The following ZNF727 variants were observed in gnomAD, a reference collection of about 807,000 sequenced individuals.
ZNF727 encodes the protein zinc finger protein 727, also known as putative zinc finger protein 727.
Under a neutral mutation model 11.5 loss-of-function variants are expected in ZNF727, and 11 were observed. The observed-to-expected ratio is 0.95, with a 90% CI of 0.60 to 1.58. The LOEUF is 1.58. ZNF727 is among the 40% of genes most tolerant of loss of function. ZNF727 has a pLI of 0.00. For missense variants in ZNF727, 533 were observed against 581.7 expected (o/e 0.92, Z 0.86); for synonymous variants, 171 against 196.1 (o/e 0.87, Z 1.07).
chr7:64,063,164 T>C (rs1329463019), intron 1 of ZNF727, among the ~76,000 whole-genome samples: 2 of 152,118 alleles, frequency 1.3e-5, no homozygotes, highest in East Asian at 3.9e-4. Context: ...ATAGTCTTAA[T>C]TTTTGTGGAT....
chr7:64,067,705 G>A (rs1584150749), intron 1 of ZNF727, among the ~76,000 whole-genome samples: 1 of 152,144 alleles, frequency 6.6e-6, no homozygotes, highest in East Asian at 1.9e-4. Flanking sequence ...TGTGGACACA[G>A]GGAGGGGAAC....
intron 1 of ZNF727, among the ~76,000 whole-genome samples, chr7:64,053,529 C>A (rs574646421): frequency 6.6e-6 from 1 of 152,158 alleles, no homozygotes; most frequent in Non-Finnish European, 1.5e-5. Flanking sequence ...CCATGTTGGT[C>A]AGGCTGGTCT....
intron 1 of ZNF727, among the ~76,000 whole-genome samples, chr7:64,049,204 G>A (rs1789554557): frequency 6.6e-6 from 1 of 151,854 alleles, no homozygotes; most frequent in Admixed American, 6.6e-5. Context: ...TCAGTCAGCT[G>A]ACCATACAAG....
At position 64,078,593 on chromosome 7, in the gene ZNF727, A is replaced by AG; in HGVS notation, c.*45dup. The stretch of plus-strand genomic sequence containing the variant: ...CTTACAAATGTAATGAATGTGGAAA[A>AG]GCTTTTACGTGGATCTTGGCCCTTA... On this transcript the variant is annotated 3_prime_UTR_variant, in exon 4 of 4. Coordinates refer to ENST00000456806, the MANE Select transcript of ZNF727 (RefSeq NM_001159522.3). 1 of 1,544,272 alleles carries AG rather than the reference A, an allele frequency of 6.5e-7. No homozygotes were observed. The highest frequency in any genetic ancestry group is 8.8e-7 in the Non-Finnish European group (1 of 1,135,360).
At chr7:64,061,305 A>ATC (rs961077196) in intron 1 of ZNF727, among the ~76,000 whole-genome samples, 19 of 151,904 alleles carry the variant, frequency 1.3e-4, no homozygotes, top group African/African-American at 3.9e-4. Flanking sequence ...ATTGGGGTTG[A>ATC]TCTCTCTCTC....
rs1471407769 is a variant in ZNF727 at position 64,084,570 on chromosome 7, T to C, written c.*6021T>C. ...AGAATATGATTCCTACAAATTAACA[T>C]TTTTGTTTTTCTTGTAACTACAGGT... On this transcript the variant is annotated 3_prime_UTR_variant, in exon 4 of 4. Coordinates refer to ENST00000456806, the MANE Select transcript of ZNF727 (RefSeq NM_001159522.3). 6.6e-6 allele frequency among the ~76,000 whole-genome samples: 1 copy of C among 152,176 alleles called. No homozygotes were observed. The highest frequency in any genetic ancestry group is 1.5e-5 in the Non-Finnish European group (1 of 68,006).
intron 3 of ZNF727, among the ~76,000 whole-genome samples, chr7:64,073,108 T>G (rs948869952): frequency 6.6e-6 from 1 of 152,040 alleles, no homozygotes; most frequent in African/African-American, 2.4e-5. Flanking sequence ...TCTCCCAGAT[T>G]AAGTATCCTT....
In ZNF727 at chr7:64,069,536, C is replaced by T. The variant is rs1789925876; in HGVS notation, c.153C>T (p.Asp51=). The T allele has an allele frequency of 1.3e-6, 2 of 1,558,868 alleles. No individual in the cohort carries two copies. The highest frequency in any genetic ancestry group is 1.4e-5 in the African/African-American group (1 of 73,236). The change falls in exon 3 of 4, where the codon GAC becomes GAT. Residue 51 remains aspartate (D), a synonymous_variant. Transcript: ENST00000456806. ...FSLGLAIFKP[D]LITYLEQRKE... ...CAGGTCTTGCTATCTTTAAGCCAGA[C>T]TTGATTACCTATCTGGAGCAAAGAA...
chr7:64,072,537 G>A (rs1789978224), intron 3 of ZNF727, among the ~76,000 whole-genome samples: 1 of 152,066 alleles, frequency 6.6e-6, no homozygotes, highest in Admixed American at 6.6e-5. Flanking sequence ...GACTATCGGT[G>A]CTGAAACTGA....
intron 1 of ZNF727, among the ~76,000 whole-genome samples, chr7:64,062,547 T>A (rs2116296512): frequency 6.6e-6 from 1 of 151,884 alleles, no homozygotes; most frequent in Non-Finnish European, 1.5e-5. Context: ...TATTGGTGCT[T>A]GTTTGAATGT....
Position 64,080,880 on chromosome 7 carries a change from TTTTTTGTTTTTG to T in ZNF727, c.*2337_*2348del, listed in dbSNP as rs761586071. On this transcript the variant is annotated 3_prime_UTR_variant, in exon 4 of 4. Coordinates refer to ENST00000456806, the MANE Select transcript of ZNF727 (RefSeq NM_001159522.3). ...GTTCCTGGGAGTTTTTTGTTTTTTG[TTTTTTGTTTTTG>T]TTTTTTTTTTTGTGGTGGTGGAGGG... Among the ~76,000 whole-genome samples the T allele has an allele frequency of 2.7e-5, 4 of 146,752 alleles. No homozygotes were observed. Among genetic ancestry groups the T allele is most frequent in the Non-Finnish European group, 1.5e-5 (1 of 67,720 alleles).
At chr7:64,070,603 CA>C (rs1789945256) in intron 3 of ZNF727, among the ~76,000 whole-genome samples, 1 of 151,928 alleles carries the variant, frequency 6.6e-6, no homozygotes. Context: ...AATTAATGAA[CA>C]ATTTTATAAC....
At chr7:64,075,367 T>G (rs1375591809) in intron 3 of ZNF727, among the ~76,000 whole-genome samples, 1 of 152,068 alleles carries the variant, frequency 6.6e-6, no homozygotes, top group Admixed American at 6.6e-5. Context: ...TTCATCATAT[T>G]TTCTCATCAA....
In ZNF727 at chr7:64,069,515, T is replaced by C; in HGVS notation, c.132T>C (p.Gly44=). The C allele has an allele frequency of 6.4e-7, 1 of 1,552,802 alleles. No homozygotes were observed. Among genetic ancestry groups the C allele is most frequent in the Non-Finnish European group, 8.7e-7 (1 of 1,147,068 alleles). Residue 44 remains glycine (G), a splice_region_variant and synonymous_variant, in exon 3 of 4, where the codon GGT becomes GGC. Coordinates refer to ENST00000456806, the MANE Select transcript of ZNF727 (RefSeq NM_001159522.3). ...TGTTATTTTTTTCTAATAAAACAGG[T>C]CTTGCTATCTTTAAGCCAGACTTGA... is the stretch of plus-strand genomic sequence containing the variant. ...LENYGNLFSL[G]LAIFKPDLIT... is the part of the protein sequence containing the mutation.
At chr7:64,070,578 T>C (rs1789944841) in intron 3 of ZNF727, among the ~76,000 whole-genome samples, 1 of 152,060 alleles carries the variant, frequency 6.6e-6, no homozygotes, top group Non-Finnish European at 1.5e-5. Context: ...CATAATGAAA[T>C]GATTAATACA....
At chr7:64,062,455 T>C (rs1449928373) in intron 1 of ZNF727, among the ~76,000 whole-genome samples, 1 of 151,758 alleles carries the variant, frequency 6.6e-6, no homozygotes, top group Admixed American at 6.6e-5. Flanking sequence ...AGGATAAAAG[T>C]TTTTTCCTTC....
At chr7:64,063,341 C>A (rs1789806051) in intron 1 of ZNF727, among the ~76,000 whole-genome samples, 1 of 152,154 alleles carries the variant, frequency 6.6e-6, no homozygotes, top group Non-Finnish European at 1.5e-5. Context: ...TTAGGGGACA[C>A]CCCAACCTGA....
At chr7:64,070,911 C>G (rs1005033856) in intron 3 of ZNF727, among the ~76,000 whole-genome samples, 8 of 151,980 alleles carry the variant, frequency 5.3e-5, no homozygotes, top group African/African-American at 1.9e-4. Context: ...CTCGGCATAA[C>G]GTCATCTAGG....
Position 64,045,577 on chromosome 7 carries a change from T to G in ZNF727, c.-45T>G. ...CTGTTATCCTGTGACCTGCAGGTAC[T>G]GGGAGATCCATAGGGAAGAAGGCGG... On this transcript the variant is annotated 5_prime_UTR_variant, in exon 1 of 4. Transcript: ENST00000456806. 6.4e-7 allele frequency: 1 copy of G among 1,552,730 alleles called. No individual in the cohort carries two copies. The highest frequency in any genetic ancestry group is 8.7e-7 in the Non-Finnish European group (1 of 1,147,512).
Sources: allele counts gnomAD v4.1 joint callset (sites outside exome capture counted in the v4.1 genomes callset), GRCh38; gene constraint gnomAD v4.1.1; transcripts MANE v1.5; gene names NCBI Gene and HGNC (gene_info 2026-07-23, HGNC 2026-07-21).